The following OR4D2 variants were observed in gnomAD, a reference collection of about 807,000 sequenced individuals.
OR4D2 encodes olfactory receptor family 4 subfamily D member 2, also known as olfactory receptor 4D2.
A neutral mutation model predicts 12.4 loss-of-function variants in OR4D2; 9 were observed. That is an observed-to-expected ratio of 0.73 (90% confidence interval 0.44 to 1.27). The LOEUF (loss-of-function observed/expected upper bound fraction) is 1.27. OR4D2 is among the 50% of genes most tolerant of loss of function. OR4D2 has a pLI of 0.00. For missense variants in OR4D2, 373 were observed against 381.6 expected, an observed-to-expected ratio of 0.98 and a Z score of 0.19; for synonymous variants, 151 against 151.1, an observed-to-expected ratio of 1.00 and a Z score of 0.01.
In OR4D2 at chr17:58,170,587, A is replaced by G. The variant is rs780603743; in HGVS notation, c.*8A>G. 6.2e-6 allele frequency: 10 copies of G among 1,607,912 alleles called. No individual in the cohort carries two copies. Among genetic ancestry groups the G allele is most frequent in the Non-Finnish European group, 8.5e-6 (10 of 1,174,484 alleles). The stretch of plus-strand genomic sequence containing the variant: ...AGACACCGGCTGGTTTGAGAGTGAC[A>G]ATGGTAGGTTTCTTCTCTTTGGCTT... On this transcript the variant is annotated 3_prime_UTR_variant, in exon 2 of 2. Transcript: ENST00000545221.
intron 1 of OR4D2, among the ~76,000 whole-genome samples, chr17:58,167,894 G>A (rs11655296): frequency 0.14 from 21,636 of 150,960 alleles, 1,813 homozygotes; most frequent in Middle Eastern, 0.27. Context: ...TTCCAGCTAC[G>A]CGGGAGGCTG....
chr17:58,170,100 T>TGGGTGGGAG lies in OR4D2; in HGVS notation c.447_455dup (p.Val150_Gly152dup). On this transcript the variant is annotated inframe_insertion, in exon 2 of 2. Transcript: ENST00000545221. ...CTGGGTGGGGCTGGTGGTAGCCACC[T>TGGGTGGGAG]GGGTGGGAGGCTTTGTCCACTCTAT... The TGGGTGGGAG allele has an allele frequency of 6.2e-7, 1 of 1,614,036 alleles. No homozygotes were observed. Among genetic ancestry groups the TGGGTGGGAG allele is most frequent in the Non-Finnish European group, 8.5e-7 (1 of 1,179,948 alleles).
chr17:58,170,303 G>A lies in OR4D2; in HGVS notation c.648G>A (p.Met216Ile), dbSNP rs768931835. Residue 216 changes from methionine (M) to isoleucine (I), a missense_variant, in exon 2 of 2, where the codon ATG becomes ATA. By Grantham distance (10) the Met-to-Ile change is conservative (BLOSUM62 1). Transcript: ENST00000545221. Reference protein sequence around the residue: ...LDVVWFFLLLMSYLFILVMLR... With the variant: ...LDVVWFFLLLISYLFILVMLR... ...TCGTCTGGTTCTTCCTCCTCCTGAT[G>A]TCCTACTTATTCATCCTGGTGATGC... 1.5e-5 allele frequency: 24 copies of A among 1,614,058 alleles called. No individual in the cohort carries two copies. In the South Asian group the frequency reaches 2.4e-4, roughly 16 times the overall value.
In OR4D2 at chr17:58,170,397, T is replaced by C; in HGVS notation, c.742T>C (p.Ser248Pro). The C allele has an allele frequency of 6.2e-7, 1 of 1,614,202 alleles. No homozygotes were observed. The highest frequency in any genetic ancestry group is 8.5e-7 in the Non-Finnish European group (1 of 1,180,030). ...STCTTHIIVV[S>P]MIFVPSIYLY... ...CTGCACCACCCACATCATCGTGGTT[T>C]CCATGATCTTCGTTCCAAGCATTTA... The change falls in exon 2 of 2, where the codon TCC becomes CCC. Residue 248 changes from serine to proline, a missense_variant. By Grantham distance (74) the Ser-to-Pro change is moderately conservative (BLOSUM62 -1). Coordinates refer to ENST00000545221, the MANE Select transcript of OR4D2 (RefSeq NM_001004707.4).
chr17:58,170,019 C>T lies in OR4D2; in HGVS notation c.364C>T (p.Arg122Cys), dbSNP rs779381707. 18 of 1,614,014 alleles carry T rather than the reference C, an allele frequency of 1.1e-5. No homozygotes were observed. Among genetic ancestry groups the T allele is most frequent in the Admixed American group, 1.0e-4 (6 of 60,006 alleles). ...CTTCCTCTCAGTGATGGCCTTTGAC[C>T]GCCTCATTGCCATCTCCCGGCCCCT... ...VFFLSVMAFD[R>C]LIAISRPLRY... Residue 122 changes from arginine to cysteine, a missense_variant, in exon 2 of 2, where the codon CGC becomes TGC. Arg to Cys is a radical substitution (Grantham distance 180). Transcript: ENST00000545221.
chr17:58,168,690 C>A (rs1949146810), intron 1 of OR4D2, among the ~76,000 whole-genome samples: 2 of 152,222 alleles, frequency 1.3e-5, no homozygotes, highest in Admixed American at 6.5e-5. Flanking sequence ...TTGTAAAATT[C>A]CTGTTTCATT....
Position 58,170,786 on chromosome 17 carries a change from G to C in OR4D2, c.*207G>C. 1.7e-6 allele frequency: 1 copy of C among 575,556 alleles called. No homozygotes were observed. The highest frequency in any genetic ancestry group is 3.1e-6 in the Non-Finnish European group (1 of 323,050). 35.7% of individuals were successfully genotyped at this position (575,556 alleles called of 1,614,324 possible). A position where few individuals can be genotyped will look rare whatever the true frequency, so the allele number is the denominator to read the frequency against. ...TGTGATAAAGAGTTTTAACACACTC[G>C]CAACAATGAGAATTGTTCACATGGC... is the stretch of plus-strand genomic sequence containing the variant. On this transcript the variant is annotated 3_prime_UTR_variant, in exon 2 of 2. Coordinates refer to ENST00000545221, the MANE Select transcript of OR4D2 (RefSeq NM_001004707.4).
In OR4D2 at chr17:58,168,266, G is replaced by C. The variant is rs145220495; in HGVS notation, c.-19+1213G>C. On this transcript the variant is annotated intron_variant, in intron 1 of 1. Transcript: ENST00000545221. ...CTGTCACCCAGGCTGGAGTGCAGTG[G>C]CATGACCTCCACTCACTGCAGCCTC... is the stretch of plus-strand genomic sequence containing the variant. 4.3e-3 allele frequency among the ~76,000 whole-genome samples: 648 copies of C among 151,814 alleles called. 6 individuals carry two copies. Among genetic ancestry groups the C allele is most frequent in the African/African-American group, 0.015 (607 of 41,382 alleles).
chr17:58,169,623 G>T lies in OR4D2; in HGVS notation c.-18-15G>T. ...GTGACTTCATGTATCTGTGTCTGTG[G>T]TTCATTTTCTTCAGGTGTATGGAGA... is the stretch of plus-strand genomic sequence containing the variant. On this transcript the variant is annotated splice_polypyrimidine_tract_variant and intron_variant, in intron 1 of 1. Coordinates refer to ENST00000545221, the MANE Select transcript of OR4D2 (RefSeq NM_001004707.4). 4.5e-6 allele frequency: 7 copies of T among 1,557,858 alleles called. No homozygotes were observed. Among genetic ancestry groups the T allele is most frequent in the Non-Finnish European group, 5.3e-6 (6 of 1,128,980 alleles).
In OR4D2 at chr17:58,167,999, CAAAAAA is replaced by C. The variant is rs1165311786; in HGVS notation, c.-19+964_-19+969del. Among the ~76,000 whole-genome samples the C allele has an allele frequency of 6.4e-3, 251 of 39,208 alleles. 1 individual carries two copies. Among genetic ancestry groups the C allele is most frequent in the African/African-American group, 0.019 (240 of 12,808 alleles). 25.7% of individuals were successfully genotyped at this position (39,208 alleles called of 152,430 possible). Reference sequence around the variant, plus strand: ...CCTGGGCGACAGCGAGACTCCGTCACAAAAAAAAAAAAAAAAAAAAAAAGAAGGTGT... The same window carrying C: ...CCTGGGCGACAGCGAGACTCCGTCACAAAAAAAAAAAAAAAAAGAAGGTGT... On this transcript the variant is annotated intron_variant, in intron 1 of 1. Transcript: ENST00000545221.
In OR4D2 at chr17:58,169,887, G is replaced by T; in HGVS notation, c.232G>T (p.Ala78Ser). 1 of 1,614,068 alleles carries T rather than the reference G, an allele frequency of 6.2e-7. No individual in the cohort carries two copies. The highest frequency in any genetic ancestry group is 1.1e-5 in the South Asian group (1 of 91,070). Residue 78 changes from alanine to serine, a missense_variant, in exon 2 of 2, where the codon GCT becomes TCT. Coordinates refer to ENST00000545221, the MANE Select transcript of OR4D2 (RefSeq NM_001004707.4). The stretch of plus-strand genomic sequence containing the variant: ...AGACCTCTGTTTCTCTTCAGTCACT[G>T]CTCCCAAAATGCTAGTGGACCTCCT... ...VLDLCFSSVTAPKMLVDLLSE... is the reference protein window; with the variant it reads ...VLDLCFSSVTSPKMLVDLLSE...
chr17:58,170,042 C>A lies in OR4D2; in HGVS notation c.387C>A (p.Pro129=). 3 of 1,614,136 alleles carry A rather than the reference C, an allele frequency of 1.9e-6. No homozygotes were observed. The highest frequency in any genetic ancestry group is 2.5e-6 in the Non-Finnish European group (3 of 1,180,044). ...ACCGCCTCATTGCCATCTCCCGGCCCCTCCGCTATGTCACCGTCATGAACA... is the reference window on the plus strand; with the variant it reads ...ACCGCCTCATTGCCATCTCCCGGCCACTCCGCTATGTCACCGTCATGAACA... ...AFDRLIAISR[P]LRYVTVMNTQ... The change falls in exon 2 of 2, where the codon CCC becomes CCA. Residue 129 remains proline (P), a synonymous_variant. Transcript: ENST00000545221.
intron 1 of OR4D2, 53 bp from the exon 2 acceptor site, chr17:58,169,585 G>C: frequency 7.6e-6 from 10 of 1,313,536 alleles, no homozygotes; most frequent in Non-Finnish European, 1.1e-5. Flanking sequence ...CCTGAGCCCT[G>C]AAAGGGAAAG....
intron 1 of OR4D2, among the ~76,000 whole-genome samples, chr17:58,167,340 T>G (rs114046501): frequency 3.3e-5 from 5 of 152,186 alleles, no homozygotes; most frequent in Admixed American, 3.3e-4. Context: ...GAAAGTGATA[T>G]TTCTCTTATC....
chr17:58,170,375 C>T lies in OR4D2; in HGVS notation c.720C>T (p.Cys240=). Residue 240 remains cysteine (C), a synonymous_variant, in exon 2 of 2, where the codon TGC becomes TGT. Transcript: ENST00000545221. ...CAAGAAGGAAGGCAGCTTCCACCTG[C>T]ACCACCCACATCATCGTGGTTTCCA... ...GEARRKAAST[C]TTHIIVVSMI... 6.2e-7 allele frequency: 1 copy of T among 1,614,232 alleles called. No homozygotes were observed. The highest frequency in any genetic ancestry group is 8.5e-7 in the Non-Finnish European group (1 of 1,180,038).
At position 58,169,924 on chromosome 17, in the gene OR4D2, A is replaced by C; in HGVS notation, c.269A>C (p.Lys90Thr). 1 of 1,614,148 alleles carries C rather than the reference A, an allele frequency of 6.2e-7. No individual in the cohort carries two copies. The highest frequency in any genetic ancestry group is 1.6e-4 in the Middle Eastern group (1 of 6,062). ...KMLVDLLSEK[K>T]TISYQGCMGQ... Reference sequence around the variant, plus strand: ...CTAGTGGACCTCCTCTCTGAGAAGAAAACCATCTCTTACCAGGGCTGCATG... The same window carrying C: ...CTAGTGGACCTCCTCTCTGAGAAGACAACCATCTCTTACCAGGGCTGCATG... The change falls in exon 2 of 2, where the codon AAA becomes ACA. Residue 90 changes from lysine to threonine, a missense_variant. By Grantham distance (78) the Lys-to-Thr change is moderately conservative. Coordinates refer to ENST00000545221, the MANE Select transcript of OR4D2 (RefSeq NM_001004707.4).
chr17:58,169,408 T>G (rs544994139), intron 1 of OR4D2: 35 of 548,536 alleles, frequency 6.4e-5, no homozygotes, highest in Non-Finnish European at 9.4e-5. Flanking sequence ...CACCACTATA[T>G]GAATCTTTGA....
In OR4D2 at chr17:58,169,883, C is replaced by T. The variant is rs1478477650; in HGVS notation, c.228C>T (p.Val76=). The T allele has an allele frequency of 6.2e-7, 1 of 1,614,016 alleles. No homozygotes were observed. The highest frequency in any genetic ancestry group is 1.3e-5 in the African/African-American group (1 of 74,914). Residue 76 remains valine (V), a synonymous_variant, in exon 2 of 2, where the codon GTC becomes GTT. Coordinates refer to ENST00000545221, the MANE Select transcript of OR4D2 (RefSeq NM_001004707.4). ...LAVLDLCFSS[V]TAPKMLVDLL... Reference sequence around the variant, plus strand: ...TCCTAGACCTCTGTTTCTCTTCAGTCACTGCTCCCAAAATGCTAGTGGACC... The same window carrying T: ...TCCTAGACCTCTGTTTCTCTTCAGTTACTGCTCCCAAAATGCTAGTGGACC...
At chr17:58,167,546 G>A (rs1186300153) in intron 1 of OR4D2, among the ~76,000 whole-genome samples, 1 of 152,208 alleles carries the variant, frequency 6.6e-6, no homozygotes, top group Non-Finnish European at 1.5e-5. Context: ...AATGCTGAGA[G>A]AGAGTTGCAT....
Sources: gnomAD v4.1 joint callset for allele counts (sites outside exome capture counted in the v4.1 genomes callset) on GRCh38, gnomAD v4.1.1 for gene constraint, MANE v1.5 for transcripts, NCBI Gene and HGNC (gene_info 2026-07-23, HGNC 2026-07-21) for gene names.